The following DCC variants were observed in gnomAD, a reference collection of about 807,000 sequenced individuals.
The protein encoded by DCC is DCC netrin 1 receptor.
Under a neutral mutation model 172.5 loss-of-function variants are expected in DCC, and 58 were observed. That is an observed-to-expected ratio of 0.34 (90% confidence interval 0.27 to 0.42). The LOEUF (loss-of-function observed/expected upper bound fraction) is 0.42, where lower values mean the gene tolerates loss of function less well. DCC is among the 10% of genes least tolerant of loss of function. The pLI, the probability that DCC is intolerant of heterozygous loss-of-function variation, is 1.00. For missense variants in DCC, 1,740 were observed against 1,791.0 expected, an observed-to-expected ratio of 0.97 and a Z score of 0.51; for synonymous variants, 709 against 644.5, an observed-to-expected ratio of 1.10 and a Z score of -1.52.
At chr18:52,906,421 T>A in intron 3 of DCC, 93 bp downstream of exon 3, 1 of 1,298,750 alleles carries the variant, frequency 7.7e-7, no homozygotes, top group Non-Finnish European at 1.1e-6. Flanking sequence ...GTAATTGTTA[T>A]AAGTTCTGTA....
At chr18:53,380,375 A>G (rs1907624409) in intron 15 of DCC, among the ~76,000 whole-genome samples, 1 of 152,186 alleles carries the variant, frequency 6.6e-6, no homozygotes, top group African/African-American at 2.4e-5. Flanking sequence ...TATACATTCA[A>G]ACAAAATACC....
At position 53,373,909 on chromosome 18, in the gene DCC, A is replaced by C. The variant is rs118130255; in HGVS notation, c.2360-12134A>C. Among the ~76,000 whole-genome samples, 755 of 152,316 alleles carry C rather than the reference A, an allele frequency of 5.0e-3. 4 individuals carry two copies. The highest frequency in any genetic ancestry group is 8.0e-3 in the Non-Finnish European group (541 of 68,030). ...TGTGATATATGTATGCAAACTATTA[A>C]ACTCCTACCCATGCTATAAAGTCAT... On this transcript the variant is annotated intron_variant, in intron 15 of 28. Coordinates refer to ENST00000442544, the MANE Select transcript of DCC (RefSeq NM_005215.4).
chr18:53,147,267 C>G (rs2043929719), intron 7 of DCC, among the ~76,000 whole-genome samples: 1 of 152,156 alleles, frequency 6.6e-6, no homozygotes, highest in African/African-American at 2.4e-5. Context: ...GCTCACCGTC[C>G]TCCTTCTCAG....
intron 1 of DCC, among the ~76,000 whole-genome samples, chr18:52,695,460 T>C (rs767659788): frequency 2.0e-5 from 3 of 152,200 alleles, no homozygotes; most frequent in Non-Finnish European, 4.4e-5. Context: ...AAACCCTGAA[T>C]TGTGTCAACA....
intron 1 of DCC, among the ~76,000 whole-genome samples, chr18:52,640,160 T>C (rs908825123): frequency 1.4e-4 from 22 of 152,238 alleles, no homozygotes; most frequent in African/African-American, 5.1e-4. Context: ...AAATCCAGCA[T>C]TGCCTTATGA....
intron 2 of DCC, among the ~76,000 whole-genome samples, chr18:52,861,441 T>G (rs1303572149): frequency 1.3e-5 from 2 of 152,222 alleles, no homozygotes; most frequent in African/African-American, 4.8e-5. Flanking sequence ...CAGAAGAAAC[T>G]GATTCTTGTG....
chr18:52,519,567 G>C (rs139417029), intron 1 of DCC, among the ~76,000 whole-genome samples: 10 of 152,310 alleles, frequency 6.6e-5, no homozygotes, highest in African/African-American at 2.4e-4. Context: ...ATGGGGGAAA[G>C]TAAGAGAGGA....
At chr18:53,515,373 C>A (rs2046320755) in intron 27 of DCC, among the ~76,000 whole-genome samples, 1 of 150,866 alleles carries the variant, frequency 6.6e-6, no homozygotes, top group Admixed American at 6.7e-5. Flanking sequence ...GAAGCATTCC[C>A]TTTGAAAACT....
intron 11 of DCC, among the ~76,000 whole-genome samples, chr18:53,214,927 G>A (rs62100772): frequency 0.37 from 55,917 of 151,826 alleles, 11,056 homozygotes; most frequent in Non-Finnish European, 0.44. Context: ...ACAAAATACC[G>A]TACCTAGAAA....
chr18:52,381,287 G>GT (rs1985573146), intron 1 of DCC, among the ~76,000 whole-genome samples: 1 of 152,126 alleles, frequency 6.6e-6, no homozygotes, highest in South Asian at 2.1e-4. Context: ...TAAGGGGGAG[G>GT]TGATGCATGT....
At chr18:52,815,515 T>C (rs985891078) in intron 2 of DCC, among the ~76,000 whole-genome samples, 1 of 151,942 alleles carries the variant, frequency 6.6e-6, no homozygotes, top group Non-Finnish European at 1.5e-5. Flanking sequence ...GGCAGCCACT[T>C]GCAAAGAGAA....
chr18:53,205,177 A>T (rs1568363845), intron 9 of DCC, 39 bp from the exon 10 acceptor site: 2 of 1,548,694 alleles, frequency 1.3e-6, no homozygotes. Context: ...CACTTATCCT[A>T]ATCACTTTTC....
At chr18:53,112,647 C>G (rs1402385456) in intron 7 of DCC, among the ~76,000 whole-genome samples, 1 of 151,478 alleles carries the variant, frequency 6.6e-6, no homozygotes, top group Non-Finnish European at 1.5e-5. Context: ...GACCTTGAGA[C>G]ATGTTTTTTA....
intron 12 of DCC, among the ~76,000 whole-genome samples, chr18:53,247,663 T>C (rs1387986489): frequency 6.6e-6 from 1 of 152,034 alleles, no homozygotes; most frequent in African/African-American, 2.4e-5. Flanking sequence ...TTTTTATAGA[T>C]GTTAATTTTT....
chr18:53,428,355 G>GAATATAATATTATAATATA (rs1568125895), intron 21 of DCC, among the ~76,000 whole-genome samples: 19 of 49,444 alleles, frequency 3.8e-4, no homozygotes, highest in Admixed American at 1.1e-3. Context: ...TATAATATAT[G>GAATATAATATTATAATATA]TTGTATATAA....
chr18:52,549,071 A>C (rs903773050), intron 1 of DCC, among the ~76,000 whole-genome samples: 3 of 152,074 alleles, frequency 2.0e-5, no homozygotes, highest in Non-Finnish European at 4.4e-5. Context: ...ACACAATATG[A>C]GCAATTTTCT....
At chr18:52,654,576 CTG>C (rs1209171655) in intron 1 of DCC, among the ~76,000 whole-genome samples, 1 of 152,128 alleles carries the variant, frequency 6.6e-6, no homozygotes, top group African/African-American at 2.4e-5. Flanking sequence ...GTGTTCATAT[CTG>C]TGTGTCCAAA....
intron 2 of DCC, among the ~76,000 whole-genome samples, chr18:52,792,069 G>A (rs78537334): frequency 0.011 from 1,727 of 152,186 alleles, 30 homozygotes; most frequent in African/African-American, 0.04. Context: ...AAGCCAGGGT[G>A]TTTTGATAAA....
chr18:52,926,975 A>G (rs1328817413), intron 5 of DCC, among the ~76,000 whole-genome samples: 1 of 142,944 alleles, frequency 7.0e-6, no homozygotes, highest in South Asian at 2.1e-4. Flanking sequence ...ATATATATAC[A>G]TATATATGGA....
Sources: gnomAD v4.1 joint callset for allele counts (sites outside exome capture counted in the v4.1 genomes callset) on GRCh38, gnomAD v4.1.1 for gene constraint, MANE v1.5 for transcripts, NCBI Gene and HGNC (gene_info 2026-07-23, HGNC 2026-07-21) for gene names.